Variants in CRYBG1 observed in about 807,000 individuals in gnomAD.
CRYBG1 encodes beta/gamma crystallin domain-containing protein 1.
In CRYBG1, 139 loss-of-function variants were observed where a neutral mutation model predicts 189.2. The observed-to-expected ratio is 0.73, with a 90% CI of 0.64 to 0.85. CRYBG1 has a LOEUF of 0.85. CRYBG1 is among the 40% of genes least tolerant of loss of function. The pLI is 0.00. For synonymous variants in CRYBG1, 1,023 were observed against 1,017.1 expected (o/e 1.01, Z -0.11); for missense variants, 2,611 against 2,675.8 (o/e 0.98, Z 0.53).
intron 1 of CRYBG1, among the ~76,000 whole-genome samples, chr6:106,424,436 A>G (rs1771189426): frequency 6.6e-6 from 1 of 152,108 alleles, no homozygotes; most frequent in Non-Finnish European, 1.5e-5. Flanking sequence ...CAACCCCAGA[A>G]GGAGGCTACT....
In CRYBG1 at chr6:106,361,036, G is replaced by T; in HGVS notation, c.128G>T (p.Gly43Val). 6.5e-7 allele frequency: 1 copy of T among 1,535,124 alleles called. No homozygotes were observed. Among genetic ancestry groups the T allele is most frequent in the Admixed American group, 2.0e-5 (1 of 50,972 alleles). Residue 43 changes from glycine to valine, a missense_variant, in exon 1 of 22, where the codon GGG (glycine) becomes GTG (valine). Coordinates refer to ENST00000633556, the MANE Select transcript of CRYBG1 (RefSeq NM_001371242.2). Reference protein sequence around the residue: ...KKQQPAPPDCGVFVPHPLPAP... With the variant: ...KKQQPAPPDCVVFVPHPLPAP... ...CAGCAGCCGGCGCCGCCTGACTGTG[G>T]GGTGTTCGTTCCGCACCCGCTCCCG...
intron 2 of CRYBG1, among the ~76,000 whole-genome samples, chr6:106,509,892 T>G (rs960875198): frequency 1.3e-5 from 2 of 152,148 alleles, no homozygotes; most frequent in Admixed American, 6.5e-5. Context: ...CAGCATGACC[T>G]TACTGGGCTG....
At chr6:106,385,510 T>G (rs1432155461) in intron 1 of CRYBG1, among the ~76,000 whole-genome samples, 1 of 152,176 alleles carries the variant, frequency 6.6e-6, no homozygotes, top group Non-Finnish European at 1.5e-5. Context: ...CCAATTCAGT[T>G]TTCCTGATAC....
In CRYBG1 at chr6:106,519,854, G is replaced by C; in HGVS notation, c.2646G>C (p.Gly882=). The C allele has an allele frequency of 6.2e-7, 1 of 1,614,130 alleles. No individual in the cohort carries two copies. The highest frequency in any genetic ancestry group is 8.5e-7 in the Non-Finnish European group (1 of 1,180,018). The change falls in exon 4 of 22, where the codon GGG becomes GGC. Residue 882 remains glycine (G), a synonymous_variant. Coordinates refer to ENST00000633556, the MANE Select transcript of CRYBG1 (RefSeq NM_001371242.2). ...PSLSLSAPAP[G]DVPKDTCVQS... is the part of the protein sequence containing the mutation. ...TTTCACTGTCTGCACCCGCTCCTGG[G>C]GATGTTCCCAAAGACACATGTGTTC...
chr6:106,365,411 A>T (rs1380699628), intron 1 of CRYBG1, among the ~76,000 whole-genome samples: 4 of 150,364 alleles, frequency 2.7e-5, no homozygotes, highest in African/African-American at 4.9e-5. Context: ...TGGGTGACAG[A>T]GTGAGACTCT....
rs375373821 is a variant in CRYBG1, at chr6:106,483,398, ATAT to A, written c.313-28031_313-28029del. ...TGTGTGTATATATATATAGATATAT[ATAT>A]AAAACATTTTCTTTATCTACTTATT... On this transcript the variant is annotated intron_variant, in intron 2 of 21. Coordinates refer to ENST00000633556, the MANE Select transcript of CRYBG1 (RefSeq NM_001371242.2). Among the ~76,000 whole-genome samples, 27 of 108,782 alleles carry A rather than the reference ATAT, an allele frequency of 2.5e-4. 1 individual carries two copies. Among genetic ancestry groups the A allele is most frequent in the Middle Eastern group, 4.6e-3 (1 of 216 alleles). The allele number at this position is 108,782 out of a possible 152,430, so 71.4% of individuals were successfully genotyped here.
intron 16 of CRYBG1, among the ~76,000 whole-genome samples, chr6:106,555,297 T>TTGTA (rs1554192011): frequency 6.6e-6 from 1 of 151,320 alleles, no homozygotes; most frequent in South Asian, 2.1e-4. Context: ...TAAGTCAATA[T>TTGTA]AGTATTTTGA....
rs73520831 is a variant in CRYBG1, at chr6:106,533,834, T to G, written c.4718+3519T>G. On this transcript the variant is annotated intron_variant, in intron 8 of 21. Coordinates refer to ENST00000633556, the MANE Select transcript of CRYBG1 (RefSeq NM_001371242.2). Reference sequence around the variant, plus strand: ...TCAAGTAAGTGGGCAAGAAGGTGACTATGTGAGGCTGGAGTTCAGGGGAGA... The same window carrying G: ...TCAAGTAAGTGGGCAAGAAGGTGACGATGTGAGGCTGGAGTTCAGGGGAGA... 2.9e-3 allele frequency among the ~76,000 whole-genome samples: 437 copies of G among 152,230 alleles called. 4 individuals are homozygous for G. The highest frequency in any genetic ancestry group is 0.01 in the African/African-American group (426 of 41,542).
At chr6:106,482,664 A>C (rs146007045) in intron 2 of CRYBG1, among the ~76,000 whole-genome samples, 1 of 152,130 alleles carries the variant, frequency 6.6e-6, no homozygotes, top group Admixed American at 6.5e-5. Flanking sequence ...ATTCCCAGCT[A>C]CTTGGGAGGC....
intron 2 of CRYBG1, among the ~76,000 whole-genome samples, chr6:106,495,535 G>C (rs916498699): frequency 6.6e-6 from 1 of 150,752 alleles, no homozygotes; most frequent in Non-Finnish European, 1.5e-5. Flanking sequence ...GGTAGTTTTG[G>C]GGGGGCTCAA....
chr6:106,403,482 G>A (rs1490816724), intron 1 of CRYBG1, among the ~76,000 whole-genome samples: 1 of 152,182 alleles, frequency 6.6e-6, no homozygotes, highest in African/African-American at 2.4e-5. Flanking sequence ...TCCTCTCATT[G>A]GGTCACCATT....
chr6:106,523,040 T>C (rs985039110), intron 4 of CRYBG1, among the ~76,000 whole-genome samples: 1 of 152,156 alleles, frequency 6.6e-6, no homozygotes, highest in Non-Finnish European at 1.5e-5. Flanking sequence ...CACCAGAAAG[T>C]AGAAGTGCAC....
intron 1 of CRYBG1, among the ~76,000 whole-genome samples, chr6:106,410,327 C>A (rs1011122849): frequency 6.6e-6 from 1 of 152,124 alleles, no homozygotes; most frequent in Non-Finnish European, 1.5e-5. Flanking sequence ...CAATGAGATA[C>A]CATCTCACGC....
chr6:106,417,686 C>T (rs983264679), intron 1 of CRYBG1, among the ~76,000 whole-genome samples: 1 of 152,234 alleles, frequency 6.6e-6, no homozygotes, highest in African/African-American at 2.4e-5. Flanking sequence ...ACTTGGCCTG[C>T]CACACTCAGT....
intron 17 of CRYBG1, 140 bp from the exon 18 acceptor site, chr6:106,558,346 G>A (rs774617783): frequency 3.2e-6 from 2 of 629,070 alleles, no homozygotes; most frequent in African/African-American, 1.9e-5. Flanking sequence ...AAACATCCAG[G>A]CTCCCTTGGA....
At chr6:106,562,674 A>G (rs1774757621) in intron 20 of CRYBG1, among the ~76,000 whole-genome samples, 1 of 152,112 alleles carries the variant, frequency 6.6e-6, no homozygotes, top group African/African-American at 2.4e-5. Context: ...TTTTTAGTAG[A>G]GACGGGGTTT....
intron 1 of CRYBG1, among the ~76,000 whole-genome samples, chr6:106,416,122 A>G (rs1457757463): frequency 1.3e-5 from 2 of 151,956 alleles, no homozygotes; most frequent in Non-Finnish European, 2.9e-5. Context: ...ACAGCTTTCA[A>G]AGTTCTCCTG....
At chr6:106,363,761 C>G (rs1165016706) in intron 1 of CRYBG1, among the ~76,000 whole-genome samples, 1 of 152,158 alleles carries the variant, frequency 6.6e-6, no homozygotes, top group Non-Finnish European at 1.5e-5. Flanking sequence ...TATTTCACCT[C>G]TTAAAATCTC....
intron 2 of CRYBG1, 45 bp from the exon 3 acceptor site, chr6:106,511,385 C>T: frequency 6.9e-7 from 1 of 1,459,224 alleles, no homozygotes; most frequent in South Asian, 1.4e-5. Context: ...AGGGGAAAAA[C>T]ACCAGATTCT....
Sources: gnomAD v4.1 joint callset for allele counts (sites outside exome capture counted in the v4.1 genomes callset) on GRCh38, gnomAD v4.1.1 for gene constraint, MANE v1.5 for transcripts, NCBI Gene and HGNC (gene_info 2026-07-23, HGNC 2026-07-21) for gene names.